Variants in RBFOX1 observed in about 807,000 individuals in gnomAD.
The protein encoded by RBFOX1 is RNA binding fox-1 homolog 1, also known as RNA binding protein fox-1 homolog 1.
A neutral mutation model predicts 57.7 loss-of-function variants in RBFOX1; 8 were observed. That is an observed-to-expected ratio of 0.14 (90% CI 0.08 to 0.25). The LOEUF (loss-of-function observed/expected upper bound fraction) is 0.25. Among genes scored for constraint, RBFOX1 ranks in the 10% least tolerant of loss-of-function variants. The probability of loss-of-function intolerance (pLI) is 1.00; values close to 1 mark genes in which losing one functional copy is unlikely to be tolerated. For synonymous variants in RBFOX1, 326 were observed against 222.4 expected, an observed-to-expected ratio of 1.47 and a Z score of -4.15; for missense variants, 611 against 548.5, an observed-to-expected ratio of 1.11 and a Z score of -1.14.
intron 2 of RBFOX1, among the ~76,000 whole-genome samples, chr16:5,551,382 C>G (rs1046148328): frequency 6.6e-6 from 1 of 152,166 alleles, no homozygotes; most frequent in African/African-American, 2.4e-5. Context: ...GGTTGTTGGA[C>G]GGGACACAGC....
rs193202014 is a variant in RBFOX1 at position 6,286,128 on chromosome 16, C to T, written c.-126-30867C>T. On this transcript the variant is annotated intron_variant, in intron 1 of 15. Coordinates refer to ENST00000550418, the MANE Select transcript of RBFOX1 (RefSeq NM_018723.4). ...AATGCTGAAATATGTTTCAAAGCAA[C>T]GCTTTGAATAATTCAATAAATTATT... Among the ~76,000 whole-genome samples, 50 of 152,174 alleles carry T rather than the reference C, an allele frequency of 3.3e-4. No individual in the cohort carries two copies. The East Asian group carries it at 6.6e-3, about 20-fold the overall frequency.
intron 3 of RBFOX1, among the ~76,000 whole-genome samples, chr16:5,829,716 A>C (rs2056198000): frequency 6.6e-6 from 1 of 152,066 alleles, no homozygotes; most frequent in Non-Finnish European, 1.5e-5. Context: ...AATGCTGTAA[A>C]TCCTGGATCC....
intron 3 of RBFOX1, among the ~76,000 whole-genome samples, chr16:5,797,825 C>T (rs1399198483): frequency 2.0e-5 from 3 of 152,244 alleles, no homozygotes; most frequent in South Asian, 4.1e-4. Context: ...GTGATGGGCT[C>T]ATAATGAAAT....
chr16:6,523,063 T>C (rs1425707581), intron 2 of RBFOX1, among the ~76,000 whole-genome samples: 1 of 152,228 alleles, frequency 6.6e-6, no homozygotes, highest in East Asian at 1.9e-4. Flanking sequence ...TTAATACGTT[T>C]ATTCATATTT....
intron 5 of RBFOX1, among the ~76,000 whole-genome samples, chr16:7,537,030 T>C (rs2081631128): frequency 6.6e-6 from 1 of 152,200 alleles, no homozygotes; most frequent in Non-Finnish European, 1.5e-5. Flanking sequence ...CCTGCTGGCC[T>C]CATCTGGGGG....
intron 3 of RBFOX1, among the ~76,000 whole-genome samples, chr16:6,707,846 C>T (rs2063040641): frequency 6.6e-6 from 1 of 152,140 alleles, no homozygotes; most frequent in Admixed American, 6.5e-5. Context: ...AAGCTCAAAG[C>T]GCCACAAAGA....
At chr16:7,004,799 T>A (rs1015283108) in intron 3 of RBFOX1, among the ~76,000 whole-genome samples, 1 of 152,082 alleles carries the variant, frequency 6.6e-6, no homozygotes, top group Non-Finnish European at 1.5e-5. Flanking sequence ...AATCCACGTG[T>A]CTCTATAAGT....
At chr16:7,040,101 A>C (rs2045699842) in intron 3 of RBFOX1, among the ~76,000 whole-genome samples, 1 of 151,764 alleles carries the variant, frequency 6.6e-6, no homozygotes, top group African/African-American at 2.4e-5. Flanking sequence ...GCTCACTGCA[A>C]CCTCTGCCTC....
intron 3 of RBFOX1, among the ~76,000 whole-genome samples, chr16:6,740,465 G>C (rs949253350): frequency 2.6e-5 from 4 of 152,170 alleles, no homozygotes; most frequent in African/African-American, 9.7e-5. Flanking sequence ...CTTATTAGTG[G>C]ATTCCATGGT....
At chr16:7,181,815 C>G (rs1189006008) in intron 4 of RBFOX1, among the ~76,000 whole-genome samples, 1 of 152,112 alleles carries the variant, frequency 6.6e-6, no homozygotes, top group Non-Finnish European at 1.5e-5. Context: ...CCCATCTCAG[C>G]CTCCCAAAGT....
At chr16:7,164,328 G>A (rs2078994446) in intron 4 of RBFOX1, among the ~76,000 whole-genome samples, 1 of 152,040 alleles carries the variant, frequency 6.6e-6, no homozygotes, top group East Asian at 1.9e-4. Flanking sequence ...GTATTCCATG[G>A]TCTGTATATA....
intron 4 of RBFOX1, among the ~76,000 whole-genome samples, chr16:7,076,904 T>C (rs2058396014): frequency 6.6e-6 from 1 of 152,202 alleles, no homozygotes; most frequent in Admixed American, 6.6e-5. Flanking sequence ...TGCTGGTTGT[T>C]GTCTTAGTTA....
intron 1 of RBFOX1, among the ~76,000 whole-genome samples, chr16:6,282,821 C>T (rs1372245519): frequency 6.6e-6 from 1 of 152,202 alleles, no homozygotes; most frequent in African/African-American, 2.4e-5. Context: ...AAGCTCTGCA[C>T]ATCAACAAGG....
intron 4 of RBFOX1, among the ~76,000 whole-genome samples, chr16:6,007,276 G>T (rs371340930): frequency 6.6e-6 from 1 of 152,162 alleles, no homozygotes; most frequent in African/African-American, 2.4e-5. Context: ...TCAGTTTCCC[G>T]CTTGGATGCT....
intron 2 of RBFOX1, among the ~76,000 whole-genome samples, chr16:6,441,209 G>A (rs754193357): frequency 7.9e-5 from 12 of 152,028 alleles, no homozygotes; most frequent in Non-Finnish European, 1.2e-4. Context: ...GTCTAATGCC[G>A]CTGATCTCAA....
intron 3 of RBFOX1, among the ~76,000 whole-genome samples, chr16:5,717,495 C>G (rs984986069): frequency 3.9e-5 from 6 of 152,176 alleles, no homozygotes; most frequent in African/African-American, 1.2e-4. Context: ...TCTTTTATCT[C>G]TCACCCCCTC....
intron 3 of RBFOX1, among the ~76,000 whole-genome samples, chr16:6,665,279 AG>A (rs2098724770): frequency 6.6e-6 from 1 of 152,068 alleles, no homozygotes; most frequent in Admixed American, 6.6e-5. Flanking sequence ...CCACCCCAGC[AG>A]TGGGATGGGG....
chr16:6,210,592 C>T (rs1026212964), intron 1 of RBFOX1, among the ~76,000 whole-genome samples: 1 of 151,782 alleles, frequency 6.6e-6, no homozygotes, highest in African/African-American at 2.4e-5. Flanking sequence ...TGAGATGGTG[C>T]ATGTCTGTGG....
intron 1 of RBFOX1, among the ~76,000 whole-genome samples, chr16:6,118,189 T>C (rs1401096100): frequency 1.3e-5 from 2 of 152,292 alleles, no homozygotes; most frequent in East Asian, 3.9e-4. Context: ...ATATACTTCA[T>C]TGAGTTTACA....
Sources: gnomAD v4.1 joint callset for allele counts (sites outside exome capture counted in the v4.1 genomes callset) on GRCh38, gnomAD v4.1.1 for gene constraint, MANE v1.5 for transcripts, NCBI Gene and HGNC (gene_info 2026-07-23, HGNC 2026-07-21) for gene names.